Variants in UNC13C observed in about 807,000 individuals in gnomAD.
The protein encoded by UNC13C is unc-13 homolog C.
In UNC13C, 174 loss-of-function variants were observed where a neutral mutation model predicts 245.4. The observed-to-expected ratio is 0.71, with a 90% confidence interval of 0.63 to 0.80. The LOEUF is 0.80. Among genes scored for constraint, UNC13C ranks in the 30% least tolerant of loss-of-function variants. The pLI is 0.00. For synonymous variants in UNC13C, 992 were observed against 895.1 expected (o/e 1.11, Z -1.93); for missense variants, 2,829 against 2,602.9 (o/e 1.09, Z -1.89).
intron 4 of UNC13C, among the ~76,000 whole-genome samples, chr15:54,212,312 A>T (rs965146087): frequency 2.0e-5 from 3 of 152,048 alleles, no homozygotes; most frequent in African/African-American, 7.2e-5. Flanking sequence ...ATTCAGGTAG[A>T]TGTTTGTATC....
At chr15:53,883,060 A>AT in the UNC13C span, among the ~76,000 whole-genome samples, 6 of 152,172 alleles carry the variant, frequency 3.9e-5, no homozygotes, top group Non-Finnish European at 7.3e-5. Flanking sequence ...TTAAAAAAAA[A>AT]GTTAAAGGAA....
chr15:54,213,870 T>C (rs2034959888), intron 4 of UNC13C, among the ~76,000 whole-genome samples: 1 of 151,930 alleles, frequency 6.6e-6, no homozygotes, highest in South Asian at 2.1e-4. Context: ...GTGAGGGAAT[T>C]TTCTCTAATC....
the UNC13C span, among the ~76,000 whole-genome samples, chr15:53,895,249 A>G: frequency 1.3e-5 from 2 of 148,428 alleles, no homozygotes; most frequent in Non-Finnish European, 3.0e-5. Flanking sequence ...CTGTAATCCC[A>G]GTTACTCTAG....
chr15:54,447,533 C>T (rs942727348), intron 19 of UNC13C, among the ~76,000 whole-genome samples: 4 of 152,306 alleles, frequency 2.6e-5, no homozygotes, highest in Non-Finnish European at 4.4e-5. Context: ...TTATCCATTT[C>T]TTCTAGATTT....
At chr15:54,380,709 A>G (rs2039705499) in intron 17 of UNC13C, among the ~76,000 whole-genome samples, 1 of 152,160 alleles carries the variant, frequency 6.6e-6, no homozygotes, top group Admixed American at 6.6e-5. Flanking sequence ...CCCTGATAAT[A>G]AATGATGCTG....
intron 4 of UNC13C, among the ~76,000 whole-genome samples, chr15:54,159,281 G>A (rs896329599): frequency 2.6e-5 from 4 of 152,304 alleles, no homozygotes; most frequent in East Asian, 1.9e-4. Flanking sequence ...TTCGTAGACC[G>A]CAGACCAGGC....
intron 30 of UNC13C, among the ~76,000 whole-genome samples, chr15:54,572,771 T>TC (rs1897814929): frequency 6.6e-6 from 1 of 152,136 alleles, no homozygotes; most frequent in African/African-American, 2.4e-5. Context: ...AAATTACTGT[T>TC]TCAAACTGCA....
intron 2 of UNC13C, among the ~76,000 whole-genome samples, chr15:54,054,766 G>C (rs558613170): frequency 9.9e-5 from 15 of 152,196 alleles, no homozygotes; most frequent in Non-Finnish European, 1.8e-4. Flanking sequence ...AAGTAAATGA[G>C]AGCCCAAATG....
chr15:54,108,888 G>A (rs1189273950), intron 2 of UNC13C, among the ~76,000 whole-genome samples: 1 of 152,196 alleles, frequency 6.6e-6, no homozygotes, highest in Non-Finnish European at 1.5e-5. Context: ...AGCACTCAGA[G>A]GAGGAAGCAT....
chr15:54,393,805 T>C (rs2040013870), intron 18 of UNC13C, among the ~76,000 whole-genome samples: 1 of 151,836 alleles, frequency 6.6e-6, no homozygotes, highest in Non-Finnish European at 1.5e-5. Flanking sequence ...TGGGTCTCAA[T>C]TTCCTCCCAA....
intron 4 of UNC13C, among the ~76,000 whole-genome samples, chr15:54,192,842 A>G (rs921132332): frequency 3.3e-5 from 5 of 151,954 alleles, no homozygotes; most frequent in Admixed American, 1.3e-4. Context: ...TTTATCTAAG[A>G]CAAGTTTGGT....
rs373596525 is a variant in UNC13C, at chr15:54,235,120, C to G, written c.3150+12C>G. ...TTGTCCGAGATGTGGTAAGTTACAA[C>G]TGTTTAATTCTCTTCGATTGCATGT... On this transcript the variant is annotated intron_variant, in intron 5 of 32. Transcript: ENST00000260323. 2.6e-5 allele frequency: 42 copies of G among 1,611,578 alleles called. No homozygotes were observed. In the African/African-American group the frequency reaches 5.3e-4, roughly 21 times the overall value.
chr15:54,057,606 T>C (rs375405150), intron 2 of UNC13C, among the ~76,000 whole-genome samples: 20 of 152,096 alleles, frequency 1.3e-4, no homozygotes, highest in African/African-American at 4.1e-4. Context: ...CTGCACCAAG[T>C]GGACCTAATA....
At chr15:54,305,551 C>T (rs190448467) in intron 13 of UNC13C, among the ~76,000 whole-genome samples, 2 of 152,074 alleles carry the variant, frequency 1.3e-5, no homozygotes, top group East Asian at 1.9e-4. Context: ...TAATTTAAAC[C>T]GGTTGACTAA....
intron 14 of UNC13C, among the ~76,000 whole-genome samples, chr15:54,323,759 C>A (rs2038226912): frequency 6.6e-6 from 1 of 152,014 alleles, no homozygotes; most frequent in South Asian, 2.1e-4. Flanking sequence ...TTAGTAACAG[C>A]ACTTGCTGTC....
Position 54,264,370 on chromosome 15 carries a change from G to A in UNC13C, c.3651G>A (p.Lys1217=). 1 of 1,600,106 alleles carries A rather than the reference G, an allele frequency of 6.2e-7. No individual in the cohort carries two copies. The highest frequency in any genetic ancestry group is 8.5e-7 in the Non-Finnish European group (1 of 1,172,676). ...AKQSVLDGTS[K]WSAKITITVV... is the part of the protein sequence containing the mutation. ...AGAGTGTACTGGATGGGACATCTAA[G>A]TGGTCTGCAAAAATAACCATTACAG... Residue 1217 remains lysine, a synonymous_variant, in exon 9 of 33, where the codon AAG becomes AAA. Coordinates refer to ENST00000260323, the MANE Select transcript of UNC13C (RefSeq NM_001080534.3).
At chr15:54,080,425 A>G (rs979478825) in intron 2 of UNC13C, among the ~76,000 whole-genome samples, 6 of 152,058 alleles carry the variant, frequency 3.9e-5, no homozygotes, top group African/African-American at 1.4e-4. Context: ...ATCTGGTAGA[A>G]TGTGGCTATG....
intron 1 of UNC13C, among the ~76,000 whole-genome samples, chr15:54,003,515 A>G (rs1894995213): frequency 2.0e-5 from 3 of 152,156 alleles, no homozygotes; most frequent in African/African-American, 7.2e-5. Flanking sequence ...GACTGTTCCC[A>G]TTCTCAGACT....
rs116024605 is a variant in UNC13C at position 54,211,542 on chromosome 15, C to T, written c.3072-23488C>T. ...CTATCAATGTGATTATCTCTGAATGCGGAGTTAGGGAAATATGTCTACAGT... is the reference window on the plus strand; with the variant it reads ...CTATCAATGTGATTATCTCTGAATGTGGAGTTAGGGAAATATGTCTACAGT... On this transcript the variant is annotated intron_variant, in intron 4 of 32. Coordinates refer to ENST00000260323, the MANE Select transcript of UNC13C (RefSeq NM_001080534.3). 5.5e-3 allele frequency among the ~76,000 whole-genome samples: 832 copies of T among 152,080 alleles called. 6 individuals are homozygous for T. Among genetic ancestry groups the T allele is most frequent in the African/African-American group, 0.019 (793 of 41,504 alleles).
Sources: gnomAD v4.1 joint callset for allele counts (sites outside exome capture counted in the v4.1 genomes callset) on GRCh38, gnomAD v4.1.1 for gene constraint, MANE v1.5 for transcripts, NCBI Gene and HGNC (gene_info 2026-07-23, HGNC 2026-07-21) for gene names.